FGD2: variants seen among roughly 807,000 people sequenced by gnomAD.
FGD2 encodes the protein FYVE, RhoGEF and PH domain containing 2.
In FGD2, 52 loss-of-function variants were observed where a neutral mutation model predicts 75.9. That is an observed-to-expected ratio of 0.69 (90% CI 0.55 to 0.86). The LOEUF (loss-of-function observed/expected upper bound fraction) is 0.86. Among genes scored for constraint, FGD2 ranks in the 40% least tolerant of loss-of-function variants. The probability of loss-of-function intolerance (pLI) is 0.00; values close to 1 mark genes in which losing one functional copy is unlikely to be tolerated. For synonymous variants in FGD2, 347 were observed against 348.6 expected (o/e 1.00, Z 0.05); for missense variants, 790 against 872.0 (o/e 0.91, Z 1.18).
chr6:37,027,934 TCTC>T lies in FGD2; in HGVS notation c.1753-9_1753-7del, dbSNP rs1283707849. ...GAGAGGGGACAGTGGCCCACTGCTC[TCTC>T]CTCCCCCCAGGACATGAGGGCTCAC... On this transcript the variant is annotated splice_polypyrimidine_tract_variant and intron_variant, in intron 15 of 15. Transcript: ENST00000274963. 4.3e-6 allele frequency: 7 copies of T among 1,612,804 alleles called. No individual in the cohort carries two copies. Among genetic ancestry groups the T allele is most frequent in the Non-Finnish European group, 5.9e-6 (7 of 1,179,336 alleles).
intron 4 of FGD2, 128 bp downstream of exon 4, chr6:37,011,982 G>A: frequency 1.9e-6 from 2 of 1,036,736 alleles, no homozygotes; most frequent in East Asian, 2.6e-5. Context: ...GCCTCCCTGG[G>A]GCTCGGTCTG....
chr6:37,008,625 C>T (rs1764856002), intron 1 of FGD2, among the ~76,000 whole-genome samples: 1 of 152,078 alleles, frequency 6.6e-6, no homozygotes, highest in South Asian at 2.1e-4. Context: ...TATAGTCCAC[C>T]CTGACTCATT....
At chr6:37,026,019 G>A (rs1765805701) in intron 14 of FGD2, 81 bp downstream of exon 14, 1 of 1,549,712 alleles carries the variant, frequency 6.5e-7, no homozygotes, top group East Asian at 2.3e-5. Context: ...GGCTGACACT[G>A]TCCAGTGCTG....
intron 6 of FGD2, 189 bp downstream of exon 6, chr6:37,014,289 G>A (rs540106101): frequency 7.6e-4 from 559 of 737,982 alleles, no homozygotes; most frequent in Non-Finnish European, 1.1e-3. Context: ...GAGAGGTTTA[G>A]TGACTTGCTC....
rs1758342791 is a variant in FGD2, at chr6:37,014,661, T to A, written c.839T>A (p.Ile280Asn). The change falls in exon 7 of 16, where the codon ATC becomes AAC. Residue 280 changes from isoleucine (I) to asparagine (N), a missense_variant. Coordinates refer to ENST00000274963, the MANE Select transcript of FGD2 (RefSeq NM_173558.4). ...QADAQKALDM[I>N]FSAAQHSNAA... The stretch of plus-strand genomic sequence containing the variant: ...CCCCTTTCAGAAGCCCTGGACATGA[T>A]CTTCTCAGCTGCCCAGCACTCCAAT... 1.2e-6 allele frequency: 2 copies of A among 1,613,968 alleles called. No homozygotes were observed. Among genetic ancestry groups the A allele is most frequent in the East Asian group, 2.2e-5 (1 of 44,890 alleles).
intron 13 of FGD2, chr6:37,025,465 T>C: frequency 5.9e-6 from 2 of 338,762 alleles, no homozygotes; most frequent in Non-Finnish European, 1.1e-5. Flanking sequence ...GTGGCCCGTC[T>C]GGGGCAAGCC....
intron 4 of FGD2, chr6:37,012,962 C>CTG (rs60644967): frequency 0.3 from 35,935 of 120,690 alleles, 6,532 homozygotes; most frequent in East Asian, 0.57. Context: ...TGGAAAAGTT[C>CTG]TGTGTGTGTG....
At chr6:37,008,712 A>G (rs1415299677) in intron 1 of FGD2, 122 bp from the exon 2 acceptor site, 1 of 769,642 alleles carries the variant, frequency 1.3e-6, no homozygotes, top group East Asian at 2.8e-5. Context: ...AAAGAAAGCC[A>G]GGCACCCAGG....
chr6:37,026,719 G>T (rs888209917), intron 14 of FGD2, among the ~76,000 whole-genome samples: 1 of 152,096 alleles, frequency 6.6e-6, no homozygotes, highest in South Asian at 2.1e-4. Flanking sequence ...GCCTCTTTTG[G>T]CCAGGCGGGA....
intron 9 of FGD2, among the ~76,000 whole-genome samples, chr6:37,019,825 G>T (rs1272816193): frequency 2.0e-5 from 3 of 150,956 alleles, no homozygotes; most frequent in African/African-American, 7.3e-5. Context: ...TTGCTGTGAA[G>T]ATTATTTTCT....
chr6:37,015,706 A>C, intron 8 of FGD2, 62 bp from the exon 9 acceptor site: 3 of 1,482,902 alleles, frequency 2.0e-6, no homozygotes, highest in Non-Finnish European at 2.8e-6. Context: ...CCCTCGGGGA[A>C]ACCCCACCTA....
intron 15 of FGD2, 26 bp downstream of exon 15, chr6:37,027,601 C>G: frequency 6.2e-7 from 1 of 1,612,886 alleles, no homozygotes; most frequent in Non-Finnish European, 8.5e-7. Flanking sequence ...GCCCGCCCCC[C>G]GTCAGGCCCT....
chr6:37,027,992 G>A lies in FGD2; in HGVS notation c.1797G>A (p.Val599=), dbSNP rs576837558. ...CCATCCCCCTGCTGGGCTACCAGGT[G>A]ACTGTTGGGCCCCAGGGGGACCCTC... ...HTSIPLLGYQ[V]TVGPQGDPRV... Residue 599 remains valine (V), a synonymous_variant, in exon 16 of 16, where the codon GTG becomes GTA. Coordinates refer to ENST00000274963, the MANE Select transcript of FGD2 (RefSeq NM_173558.4). 18 of 1,614,130 alleles carry A rather than the reference G, an allele frequency of 1.1e-5. No homozygotes were observed. The South Asian group carries it at 1.2e-4, about 11-fold the overall frequency.
At position 37,021,424 on chromosome 6, in the gene FGD2, G is replaced by A. The variant is rs73730516; in HGVS notation, c.1234-88G>A. ...TGGTACCCAGTGGGCTTTCAGCCCT[G>A]TCTGTTGCATGCACGGAAGGATGGA... On this transcript the variant is annotated intron_variant, in intron 11 of 15. Transcript: ENST00000274963. The A allele has an allele frequency of 3.8e-4, 464 of 1,226,618 alleles. 1 individual carries two copies. The African/African-American group carries it at 6.2e-3, about 16-fold the overall frequency. The allele number at this position is 1,226,618 out of a possible 1,614,324, so 76.0% of individuals were successfully genotyped here.
chr6:37,008,608 A>G (rs996051151), intron 1 of FGD2, among the ~76,000 whole-genome samples: 3 of 152,182 alleles, frequency 2.0e-5, no homozygotes, highest in Non-Finnish European at 4.4e-5. Context: ...TTCCCCAGAA[A>G]ATAAAATATA....
intron 4 of FGD2, chr6:37,012,094 G>A (rs984136447): frequency 2.2e-6 from 1 of 462,734 alleles, no homozygotes; most frequent in Non-Finnish European, 3.8e-6. Flanking sequence ...CAAGCCAAGT[G>A]ACCAAGTGAC....
rs775340215 is a variant in FGD2 at position 37,014,152 on chromosome 6, C to A, written c.823+52C>A. The A allele has an allele frequency of 1.1e-5, 17 of 1,562,012 alleles. No homozygotes were observed. The South Asian group carries it at 2.0e-4, about 19-fold the overall frequency. On this transcript the variant is annotated intron_variant, in intron 6 of 15. Coordinates refer to ENST00000274963, the MANE Select transcript of FGD2 (RefSeq NM_173558.4). ...GGGCTGAGGAGGCCTAAGCCATTCCCATATACTTACTGAGCTCCTGCTAAA... is the reference window on the plus strand; with the variant it reads ...GGGCTGAGGAGGCCTAAGCCATTCCAATATACTTACTGAGCTCCTGCTAAA...
intron 1 of FGD2, among the ~76,000 whole-genome samples, chr6:37,006,605 T>A (rs1231502224): frequency 7.9e-5 from 12 of 151,878 alleles, no homozygotes; most frequent in Admixed American, 7.9e-4. Flanking sequence ...AGCATGTGTG[T>A]TTGTGTGTGT....
rs879044994 is a variant in FGD2 at position 37,014,545 on chromosome 6, A to C, written c.824-101A>C. The stretch of plus-strand genomic sequence containing the variant: ...GGCAGGGCTGCTCCTGGGGGCTGTC[A>C]TGGCAGGTCCTGAGGGCCCTTTGTT... On this transcript the variant is annotated intron_variant, in intron 6 of 15. Transcript: ENST00000274963. 15 of 1,373,508 alleles carry C rather than the reference A, an allele frequency of 1.1e-5. No homozygotes were observed. In the South Asian group the frequency reaches 1.9e-4, roughly 18 times the overall value. 85.1% of individuals were successfully genotyped at this position (1,373,508 alleles called of 1,614,324 possible). A position where few individuals can be genotyped will look rare whatever the true frequency, so the allele number is the denominator to read the frequency against.
Sources: gnomAD v4.1 joint callset for allele counts (sites outside exome capture counted in the v4.1 genomes callset) on GRCh38, gnomAD v4.1.1 for gene constraint, MANE v1.5 for transcripts, NCBI Gene and HGNC (gene_info 2026-07-23, HGNC 2026-07-21) for gene names.